HS6ST2: variants seen among roughly 807,000 people sequenced by gnomAD.
The protein encoded by HS6ST2 is heparan sulfate 6-O-sulfotransferase 2.
HS6ST2 carries 17 observed loss-of-function variants against 33.0 expected under a neutral mutation model. The observed-to-expected ratio is 0.52, with a 90% CI of 0.35 to 0.77. HS6ST2 has a LOEUF of 0.77. HS6ST2 is among the 30% of genes least tolerant of loss of function. The probability of loss-of-function intolerance (pLI) is 0.01; values close to 1 mark genes in which losing one functional copy is unlikely to be tolerated. For synonymous variants in HS6ST2, 248 were observed against 237.1 expected (o/e 1.05, Z -0.42); for missense variants, 519 against 551.7 (o/e 0.94, Z 0.59).
intron 2 of HS6ST2, among the ~76,000 whole-genome samples, chrX:132,908,720 G>A (rs1270466720): frequency 9.0e-6 from 1 of 110,916 alleles, no homozygotes; most frequent in East Asian, 2.8e-4. Flanking sequence ...AGAGGTGTGA[G>A]GAATGGGGAG....
intron 3 of HS6ST2, among the ~76,000 whole-genome samples, chrX:132,685,542 C>T (rs1511739): frequency 0.12 from 13,392 of 110,594 alleles, 766 homozygotes; most frequent in East Asian, 0.27. Flanking sequence ...AAAGTTGTTA[C>T]CCAGAGAAGC....
chrX:132,895,655 G>C (rs1050388878), intron 2 of HS6ST2, among the ~76,000 whole-genome samples: 1 of 111,410 alleles, frequency 9.0e-6, no homozygotes, highest in African/African-American at 3.3e-5. Context: ...ACTGTACTAG[G>C]TTATGATAAT....
chrX:132,715,136 C>T (rs892537485), intron 2 of HS6ST2, among the ~76,000 whole-genome samples: 2 of 111,981 alleles, frequency 1.8e-5, no homozygotes, highest in African/African-American at 3.3e-5. Context: ...CTATAAATGA[C>T]TGATATGGGA....
chrX:132,881,972 C>T (rs2066180034), intron 2 of HS6ST2, among the ~76,000 whole-genome samples: 1 of 111,049 alleles, frequency 9.0e-6, no homozygotes, highest in Non-Finnish European at 1.9e-5. Context: ...CTGTTCTGTT[C>T]CATTGGTCTA....
chrX:132,647,078 C>G (rs1481692630), intron 4 of HS6ST2, among the ~76,000 whole-genome samples: 1 of 111,301 alleles, frequency 9.0e-6, no homozygotes, highest in Non-Finnish European at 1.9e-5. Flanking sequence ...CACAGCCAAA[C>G]CATATCAGAC....
At chrX:132,762,796 T>C (rs2064814699) in intron 2 of HS6ST2, among the ~76,000 whole-genome samples, 1 of 111,629 alleles carries the variant, frequency 9.0e-6, no homozygotes, top group Admixed American at 9.5e-5. Flanking sequence ...CTCACTCTTC[T>C]TTTTTTTCCT....
At chrX:132,771,532 C>T (rs1243520314) in intron 2 of HS6ST2, among the ~76,000 whole-genome samples, 2 of 111,398 alleles carry the variant, frequency 1.8e-5, no homozygotes, top group African/African-American at 6.5e-5. Flanking sequence ...GTTGAAACCC[C>T]CCTTTGTGTT....
chrX:132,708,141 C>T (rs756824023), intron 3 of HS6ST2, among the ~76,000 whole-genome samples: 5 of 108,138 alleles, frequency 4.6e-5, no homozygotes, highest in Non-Finnish European at 7.7e-5. Flanking sequence ...ACAACACACT[C>T]TACTGTGTCA....
intron 4 of HS6ST2, among the ~76,000 whole-genome samples, chrX:132,630,402 C>T (rs1249388723): frequency 9.0e-6 from 1 of 111,407 alleles, no homozygotes. Context: ...ATTGAGGAAA[C>T]GTTTCTCCCA....
chrX:132,666,294 C>T (rs1027801184), intron 4 of HS6ST2, among the ~76,000 whole-genome samples: 16 of 111,635 alleles, frequency 1.4e-4, no homozygotes, highest in African/African-American at 3.6e-4. Flanking sequence ...TTAAATACCA[C>T]GTTGTCATCC....
At position 132,752,837 on chromosome X, in the gene HS6ST2, T is replaced by A. The variant is rs142029066; in HGVS notation, c.948-44343A>T. Among the ~76,000 whole-genome samples the A allele has an allele frequency of 2.2e-3, 246 of 112,149 alleles. 1 individual carries two copies. Among genetic ancestry groups the A allele is most frequent in the African/African-American group, 7.1e-3 (221 of 30,915 alleles). ...ACATTATGTCTTGATTGAACACTTG[T>A]CCTCTCTAATTGGTATTGATGTGAA... is the stretch of plus-strand genomic sequence containing the variant. On this transcript the variant is annotated intron_variant, in intron 2 of 4. Coordinates refer to ENST00000370833, the MANE Select transcript of HS6ST2 (RefSeq NM_001394073.1).
intron 3 of HS6ST2, among the ~76,000 whole-genome samples, chrX:132,680,138 A>T (rs1176706809): frequency 9.2e-6 from 1 of 108,606 alleles, no homozygotes; most frequent in Admixed American, 1.0e-4. Flanking sequence ...GGGAAGTGAT[A>T]AGTGTCCATG....
intron 2 of HS6ST2, among the ~76,000 whole-genome samples, chrX:132,918,981 T>C (rs77622418): frequency 8.9e-6 from 1 of 112,243 alleles, no homozygotes; most frequent in African/African-American, 3.2e-5. Flanking sequence ...TGGACTATGT[T>C]TGATGATGAC....
intron 2 of HS6ST2, among the ~76,000 whole-genome samples, chrX:132,765,111 T>A (rs2064834548): frequency 8.9e-6 from 1 of 112,330 alleles, no homozygotes; most frequent in Non-Finnish European, 1.9e-5. Flanking sequence ...GGGTGCAGGA[T>A]GGCTACAACT....
At chrX:132,694,774 A>C (rs1295506377) in intron 3 of HS6ST2, among the ~76,000 whole-genome samples, 2 of 110,963 alleles carry the variant, frequency 1.8e-5, no homozygotes, top group Non-Finnish European at 3.8e-5. Flanking sequence ...CAAATTCCAG[A>C]TATATTATGC....
At chrX:132,647,904 G>C (rs2063659212) in intron 4 of HS6ST2, among the ~76,000 whole-genome samples, 2 of 112,359 alleles carry the variant, frequency 1.8e-5, no homozygotes, top group South Asian at 7.5e-4. Flanking sequence ...CCATTCTGTT[G>C]AGGATTTGAA....
intron 2 of HS6ST2, among the ~76,000 whole-genome samples, chrX:132,709,841 A>ACACACACACAC (rs1569482883): frequency 2.7e-5 from 3 of 109,921 alleles, no homozygotes; most frequent in Non-Finnish European, 5.7e-5. Context: ...ACACACACAC[A>ACACACACACAC]AGAAAATATT....
Position 132,815,479 on chromosome X carries a change from C to T in HS6ST2, c.948-106985G>A, listed in dbSNP as rs143798427. Reference sequence around the variant, plus strand: ...AAAGGTAAGCTGAGAATCAAATCCACGCAGTCTGGCTCTAGAATCCATGCT... The same window carrying T: ...AAAGGTAAGCTGAGAATCAAATCCATGCAGTCTGGCTCTAGAATCCATGCT... On this transcript the variant is annotated intron_variant, in intron 2 of 4. Coordinates refer to ENST00000370833, the MANE Select transcript of HS6ST2 (RefSeq NM_001394073.1). 7.2e-3 allele frequency among the ~76,000 whole-genome samples: 810 copies of T among 111,826 alleles called. 6 individuals carry two copies. The highest frequency in any genetic ancestry group is 0.023 in the African/African-American group (706 of 30,852).
In HS6ST2 at chrX:132,878,883, A is replaced by G. The variant is rs139874577; in HGVS notation, c.947+77925T>C. On this transcript the variant is annotated intron_variant, in intron 2 of 4. Coordinates refer to ENST00000370833, the MANE Select transcript of HS6ST2 (RefSeq NM_001394073.1). Reference sequence around the variant, plus strand: ...TCCCTGGCACCCTGAGCTAGTCCCAATCCTGAAATAAAAACCAGCAAATAA... The same window carrying G: ...TCCCTGGCACCCTGAGCTAGTCCCAGTCCTGAAATAAAAACCAGCAAATAA... Among the ~76,000 whole-genome samples, 82 of 111,154 alleles carry G rather than the reference A, an allele frequency of 7.4e-4. No individual in the cohort carries two copies. In the East Asian group the frequency reaches 0.019, roughly 25 times the overall value.
Sources: allele counts gnomAD v4.1 joint callset (sites outside exome capture counted in the v4.1 genomes callset), GRCh38; gene constraint gnomAD v4.1.1; transcripts MANE v1.5; gene names NCBI Gene and HGNC (gene_info 2026-07-23, HGNC 2026-07-21).